Variants in GRM1 observed in about 807,000 individuals in gnomAD.
The protein encoded by GRM1 is metabotropic glutamate receptor 1.
GRM1 carries 33 observed loss-of-function variants against 90.9 expected under a neutral mutation model. That is an observed-to-expected ratio of 0.36 (90% CI 0.28 to 0.49). The LOEUF is 0.49. Ranked by LOEUF, GRM1 falls within the 20% of genes least tolerant of loss-of-function variation. The pLI is 0.99. For synonymous variants in GRM1, 700 were observed against 613.2 expected (o/e 1.14, Z -2.09); for missense variants, 1,190 against 1,534.3 (o/e 0.78, Z 3.75).
intron 2 of GRM1, among the ~76,000 whole-genome samples, chr6:146,297,164 AT>A (rs983358581): frequency 1.3e-3 from 187 of 145,532 alleles, no homozygotes; most frequent in Middle Eastern, 0.011. Context: ...CGTGTAAACA[AT>A]TTTTTTTTTT....
chr6:146,245,857 G>T (rs1326414184), intron 2 of GRM1, among the ~76,000 whole-genome samples: 1 of 152,100 alleles, frequency 6.6e-6, no homozygotes, highest in African/African-American at 2.4e-5. Context: ...TCTTTCAAAG[G>T]ATGTGACTTG....
At chr6:146,116,810 C>G (rs1775765289) in intron 1 of GRM1, among the ~76,000 whole-genome samples, 1 of 151,896 alleles carries the variant, frequency 6.6e-6, no homozygotes, top group Non-Finnish European at 1.5e-5. Context: ...AAATTTCCAA[C>G]TTTTGTTTTG....
chr6:146,401,778 G>C (rs1244894739), intron 7 of GRM1, among the ~76,000 whole-genome samples: 1 of 152,156 alleles, frequency 6.6e-6, no homozygotes, highest in Admixed American at 6.5e-5. Context: ...TTGGTGCCCA[G>C]GAATATGCAT....
intron 2 of GRM1, among the ~76,000 whole-genome samples, chr6:146,162,718 G>A (rs1777775971): frequency 6.6e-6 from 1 of 152,164 alleles, no homozygotes; most frequent in South Asian, 2.1e-4. Flanking sequence ...GCTGAGAATG[G>A]AATAATGAAC....
At chr6:146,411,311 G>T (rs944276799) in intron 7 of GRM1, among the ~76,000 whole-genome samples, 3 of 152,132 alleles carry the variant, frequency 2.0e-5, no homozygotes, top group Non-Finnish European at 4.4e-5. Flanking sequence ...GAGCAGTCAG[G>T]GAATCTGGAT....
At chr6:146,195,718 G>T (rs1779091714) in intron 2 of GRM1, among the ~76,000 whole-genome samples, 1 of 152,182 alleles carries the variant, frequency 6.6e-6, no homozygotes, top group Admixed American at 6.5e-5. Flanking sequence ...TACCCCTTGA[G>T]AAGTCCCAGT....
At chr6:146,356,606 C>A (rs749167445) in intron 4 of GRM1, among the ~76,000 whole-genome samples, 12 of 152,226 alleles carry the variant, frequency 7.9e-5, no homozygotes, top group Non-Finnish European at 1.3e-4. Context: ...TGCATTTGTC[C>A]TGAATATAAA....
chr6:146,328,964 C>T (rs1409433806), intron 3 of GRM1, among the ~76,000 whole-genome samples: 4 of 152,156 alleles, frequency 2.6e-5, no homozygotes, highest in Admixed American at 6.5e-5. Context: ...CGTGGGGCAG[C>T]CTGACCTGTC....
intron 3 of GRM1, among the ~76,000 whole-genome samples, chr6:146,341,095 C>A (rs1784962258): frequency 6.6e-6 from 1 of 152,188 alleles, no homozygotes; most frequent in Non-Finnish European, 1.5e-5. Context: ...CTGCCCTCAA[C>A]TAACACAGGC....
chr6:146,248,990 T>C (rs1402789423), intron 2 of GRM1, among the ~76,000 whole-genome samples: 2 of 152,134 alleles, frequency 1.3e-5, no homozygotes, highest in Non-Finnish European at 2.9e-5. Flanking sequence ...AGAGATGATT[T>C]AGGGTATCTG....
At chr6:146,284,747 C>T (rs904127584) in intron 2 of GRM1, among the ~76,000 whole-genome samples, 4 of 152,168 alleles carry the variant, frequency 2.6e-5, no homozygotes, top group Non-Finnish European at 4.4e-5. Flanking sequence ...TCACCTTCCA[C>T]CATGATGGTA....
intron 1 of GRM1, among the ~76,000 whole-genome samples, chr6:146,158,225 AG>A (rs1474370692): frequency 1.3e-5 from 2 of 152,224 alleles, no homozygotes; most frequent in Admixed American, 1.3e-4. Flanking sequence ...AAGAGAGTTA[AG>A]GAATTTGCAA....
intron 2 of GRM1, among the ~76,000 whole-genome samples, chr6:146,208,025 C>T (rs1779552400): frequency 6.6e-6 from 1 of 152,148 alleles, no homozygotes; most frequent in Non-Finnish European, 1.5e-5. Context: ...TACACAACAA[C>T]CCTCAGGCTG....
chr6:146,266,261 A>G (rs959295499), intron 2 of GRM1, among the ~76,000 whole-genome samples: 1 of 152,236 alleles, frequency 6.6e-6, no homozygotes, highest in Non-Finnish European at 1.5e-5. Context: ...ATAATCCAGC[A>G]TGAAATGAGC....
chr6:146,252,537 G>A (rs552388566), intron 2 of GRM1, among the ~76,000 whole-genome samples: 4 of 152,182 alleles, frequency 2.6e-5, no homozygotes, highest in East Asian at 1.9e-4. Context: ...GTTTGAACCC[G>A]GGAGGCAGAG....
At chr6:146,328,965 C>T (rs1044937707) in intron 3 of GRM1, among the ~76,000 whole-genome samples, 3 of 152,206 alleles carry the variant, frequency 2.0e-5, no homozygotes, top group African/African-American at 7.2e-5. Flanking sequence ...GTGGGGCAGC[C>T]TGACCTGTCC....
chr6:146,057,548 G>A lies in GRM1; in HGVS notation c.700+27331G>A, dbSNP rs191027432. ...TGAAAGTGCTTTGCAAAAACATAGA[G>A]CACTGTATATCAGCGAGATAACATA... is the stretch of plus-strand genomic sequence containing the variant. On this transcript the variant is annotated intron_variant, in intron 1 of 7. Coordinates refer to ENST00000282753, the MANE Select transcript of GRM1 (RefSeq NM_001278064.2). Among the ~76,000 whole-genome samples, 447 of 152,158 alleles carry A rather than the reference G, an allele frequency of 2.9e-3. 2 individuals carry two copies. The highest frequency in any genetic ancestry group is 0.01 in the African/African-American group (430 of 41,538).
intron 7 of GRM1, among the ~76,000 whole-genome samples, chr6:146,415,926 A>T (rs921253890): frequency 6.6e-6 from 1 of 152,180 alleles, no homozygotes; most frequent in African/African-American, 2.4e-5. Flanking sequence ...CAAACCCTGA[A>T]TTTCTAATAT....
At chr6:146,374,474 T>C (rs538611407) in intron 5 of GRM1, among the ~76,000 whole-genome samples, 1 of 152,284 alleles carries the variant, frequency 6.6e-6, no homozygotes, top group South Asian at 2.1e-4. Flanking sequence ...TTGATAGAAA[T>C]CAGCAGAGAA....
Sources: allele counts gnomAD v4.1 joint callset (sites outside exome capture counted in the v4.1 genomes callset), GRCh38; gene constraint gnomAD v4.1.1; transcripts MANE v1.5; gene names NCBI Gene and HGNC (gene_info 2026-07-23, HGNC 2026-07-21).